The following RIN3 variants were observed in gnomAD, a reference collection of about 807,000 sequenced individuals.
RIN3 encodes the protein Ras and Rab interactor 3.
Under a neutral mutation model 76.3 loss-of-function variants are expected in RIN3, and 54 were observed. The ratio of observed to expected loss-of-function variants is 0.71; its 90% CI spans 0.57 to 0.89. The LOEUF is 0.89. RIN3 is among the 40% of genes least tolerant of loss of function. The pLI is 0.00. For synonymous variants in RIN3, 576 were observed against 564.0 expected, an observed-to-expected ratio of 1.02 and a Z score of -0.30; for missense variants, 1,256 against 1,322.1, an observed-to-expected ratio of 0.95 and a Z score of 0.78.
At chr14:92,615,343 T>C (rs1244614623) in intron 3 of RIN3, 64 bp from the exon 4 acceptor site, 19 of 1,415,180 alleles carry the variant, frequency 1.3e-5, no homozygotes, top group Non-Finnish European at 1.3e-5. Flanking sequence ...CCTTGCCACC[T>C]CCTTCCCCCA....
In RIN3 at chr14:92,545,914, CCTTTT is replaced by C. The variant is rs56096023; in HGVS notation, c.45-9822_45-9818del. Among the ~76,000 whole-genome samples the C allele has an allele frequency of 4.8e-3, 711 of 146,964 alleles. 9 individuals are homozygous for C. The highest frequency in any genetic ancestry group is 0.017 in the African/African-American group (683 of 39,458). On this transcript the variant is annotated intron_variant, in intron 1 of 9. Transcript: ENST00000216487. ...CCATCTGTGTAGCATTGATTCTGGC[CCTTTT>C]CTTTTCTTTTCTTTGTTTTTTTTTG... is the stretch of plus-strand genomic sequence containing the variant.
rs757029969 is a variant in RIN3, at chr14:92,676,491, G to A, written c.2352G>A (p.Ala784=). ...ALGNPGKPYG[A]DDFLPVLMYV... is the part of the protein sequence containing the mutation. ...TCTTCCCAGGGAAGCCCTATGGGGC[G>A]GATGACTTCCTGCCTGTGCTCATGT... is the stretch of plus-strand genomic sequence containing the variant. The change falls in exon 8 of 10, where the codon GCG becomes GCA. Residue 784 remains alanine, a synonymous_variant. Transcript: ENST00000216487. 6.2e-6 allele frequency: 10 copies of A among 1,613,954 alleles called. No individual in the cohort carries two copies. Among genetic ancestry groups the A allele is most frequent in the Admixed American group, 3.3e-5 (2 of 60,000 alleles).
intron 8 of RIN3, among the ~76,000 whole-genome samples, chr14:92,683,875 CAA>C (rs1888751257): frequency 6.6e-6 from 1 of 152,126 alleles, no homozygotes; most frequent in South Asian, 2.1e-4. Flanking sequence ...TCACATGGCT[CAA>C]AATTCTAAAG....
chr14:92,518,425 G>A (rs941782665), intron 1 of RIN3, among the ~76,000 whole-genome samples: 1 of 152,204 alleles, frequency 6.6e-6, no homozygotes, highest in Non-Finnish European at 1.5e-5. Flanking sequence ...ATCACAGGGC[G>A]GGGCTAAGTA....
intron 2 of RIN3, among the ~76,000 whole-genome samples, chr14:92,573,303 C>CA (rs34409252): frequency 8.5e-4 from 129 of 152,222 alleles, no homozygotes; most frequent in African/African-American, 2.9e-3. Flanking sequence ...AGGACAGCTC[C>CA]AAAAAATCCC....
At chr14:92,554,310 C>A (rs904701439) in intron 1 of RIN3, among the ~76,000 whole-genome samples, 9 of 152,116 alleles carry the variant, frequency 5.9e-5, no homozygotes, top group African/African-American at 2.2e-4. Context: ...TGGGGAGGGT[C>A]TGGGATCCCT....
chr14:92,620,557 CA>C (rs1220830433), intron 4 of RIN3, among the ~76,000 whole-genome samples: 2 of 151,958 alleles, frequency 1.3e-5, no homozygotes, highest in Non-Finnish European at 2.9e-5. Flanking sequence ...ACATGGGAAA[CA>C]AAATAACTAT....
intron 4 of RIN3, among the ~76,000 whole-genome samples, chr14:92,641,024 A>T (rs903641725): frequency 4.6e-5 from 7 of 152,092 alleles, no homozygotes; most frequent in Non-Finnish European, 1.0e-4. Context: ...CCTGAGTAGG[A>T]TCTCCACCTC....
chr14:92,628,268 C>G (rs1457532052), intron 4 of RIN3, among the ~76,000 whole-genome samples: 1 of 152,188 alleles, frequency 6.6e-6, no homozygotes, highest in Non-Finnish European at 1.5e-5. Flanking sequence ...CCATGCAATG[C>G]CATCCCACTT....
At chr14:92,672,406 C>A (rs561947133) in intron 7 of RIN3, among the ~76,000 whole-genome samples, 5 of 152,230 alleles carry the variant, frequency 3.3e-5, no homozygotes, top group African/African-American at 1.2e-4. Flanking sequence ...GAGCAAGACT[C>A]CTTCTACAAA....
Position 92,681,078 on chromosome 14 carries a change from G to A in RIN3, c.2468-3909G>A, listed in dbSNP as rs1429843165. Among the ~76,000 whole-genome samples the A allele has an allele frequency of 1.3e-5, 2 of 152,232 alleles. No homozygotes were observed. The highest frequency in any genetic ancestry group is 4.8e-5 in the African/African-American group (2 of 41,450). The stretch of plus-strand genomic sequence containing the variant: ...CTCTGCTAAAATCCTGGCTAGGCTG[G>A]TCCCAAAAGTGCCCTCTTGGACCCC... On this transcript the variant is annotated intron_variant, in intron 8 of 9. Transcript: ENST00000216487. The surrounding 1 kb of genome is among the most constrained non-coding windows in gnomAD (Gnocchi z 4.7).
intron 3 of RIN3, among the ~76,000 whole-genome samples, chr14:92,578,510 T>C (rs958147828): frequency 4.6e-5 from 7 of 152,178 alleles, no homozygotes; most frequent in African/African-American, 1.7e-4. Flanking sequence ...AAGACGGGAA[T>C]TGCAACAGAG....
At chr14:92,654,208 G>C (rs1887577824) in intron 6 of RIN3, among the ~76,000 whole-genome samples, 1 of 152,068 alleles carries the variant, frequency 6.6e-6, no homozygotes, top group African/African-American at 2.4e-5. Context: ...CAGCTACTCG[G>C]GAGGCTGAGG....
At chr14:92,531,813 C>G (rs1337994613) in intron 1 of RIN3, among the ~76,000 whole-genome samples, 1 of 152,186 alleles carries the variant, frequency 6.6e-6, no homozygotes, top group Non-Finnish European at 1.5e-5. Flanking sequence ...TGACCTCCTC[C>G]CTAGCGTAGA....
chr14:92,565,548 A>T (rs961698826), intron 2 of RIN3, among the ~76,000 whole-genome samples: 4 of 152,222 alleles, frequency 2.6e-5, no homozygotes, highest in African/African-American at 9.6e-5. Flanking sequence ...TGGATTATTC[A>T]TGAGTTTTCT....
chr14:92,564,633 T>A (rs749408490), intron 2 of RIN3, among the ~76,000 whole-genome samples: 2 of 152,208 alleles, frequency 1.3e-5, no homozygotes, highest in Non-Finnish European at 2.9e-5. Context: ...AGCCCGTTGC[T>A]CTTACCATTG....
intron 1 of RIN3, among the ~76,000 whole-genome samples, chr14:92,547,097 A>T (rs142604740): frequency 0.1 from 5,118 of 49,708 alleles, 974 homozygotes; most frequent in Middle Eastern, 0.17. Context: ...ATTATATTAT[A>T]ATTAAATAAA....
chr14:92,655,541 G>A (rs1163660442), intron 6 of RIN3, among the ~76,000 whole-genome samples: 1 of 152,258 alleles, frequency 6.6e-6, no homozygotes, highest in Non-Finnish European at 1.5e-5. Context: ...GGGTCGTGCA[G>A]GGTTCACGTC....
intron 8 of RIN3, among the ~76,000 whole-genome samples, chr14:92,683,028 G>C (rs149235520): frequency 1.3e-5 from 2 of 152,110 alleles, no homozygotes; most frequent in Non-Finnish European, 2.9e-5. Flanking sequence ...TTAGCCAGGC[G>C]TGGTGGTGCG....
Sources: gnomAD v4.1 joint callset for allele counts (sites outside exome capture counted in the v4.1 genomes callset) on GRCh38, gnomAD v4.1.1 for gene constraint, Gnocchi (gnomAD v3.1) non-coding constraint, MANE v1.5 for transcripts, NCBI Gene and HGNC (gene_info 2026-07-23, HGNC 2026-07-21) for gene names.